Variants in USP39 observed in about 807,000 individuals in gnomAD.
USP39 encodes ubiquitin specific peptidase 39, also known as ubiquitin carboxyl-terminal hydrolase 39.
Under a neutral mutation model 66.4 loss-of-function variants are expected in USP39, and 38 were observed. The ratio of observed to expected loss-of-function variants is 0.57; its 90% CI spans 0.44 to 0.75. The LOEUF is 0.75. USP39 is among the 30% of genes least tolerant of loss of function. USP39 has a pLI of 0.00. For synonymous variants in USP39, 303 were observed against 274.6 expected (o/e 1.10, Z -1.02); for missense variants, 608 against 714.4 (o/e 0.85, Z 1.70).
At chr2:85,628,198 T>C (rs1367413304) in intron 5 of USP39, among the ~76,000 whole-genome samples, 2 of 152,152 alleles carry the variant, frequency 1.3e-5, no homozygotes, top group Non-Finnish European at 2.9e-5. Flanking sequence ...CAGGCTGGAA[T>C]GCAGTGTCAC....
intron 6 of USP39, among the ~76,000 whole-genome samples, chr2:85,635,417 G>C (rs1023980304): frequency 3.9e-5 from 6 of 152,080 alleles, no homozygotes; most frequent in Admixed American, 3.3e-4. Flanking sequence ...AAAATTAGCT[G>C]GGCATGGTAG....
upstream of USP39, chr2:85,611,266 A>G (rs1673502014): frequency 7.1e-7 from 1 of 1,403,192 alleles, no homozygotes; most frequent in Admixed American, 3.3e-5. Flanking sequence ...ACCGTCATAT[A>G]TTAACCAGTG....
At chr2:85,638,991 C>G (rs2104333697) in intron 8 of USP39, among the ~76,000 whole-genome samples, 1 of 152,162 alleles carries the variant, frequency 6.6e-6, no homozygotes, top group Non-Finnish European at 1.5e-5. Flanking sequence ...TTTAGATAGT[C>G]TGGTATATAA....
chr2:85,620,286 C>T (rs928643862), intron 2 of USP39, among the ~76,000 whole-genome samples: 1 of 151,890 alleles, frequency 6.6e-6, no homozygotes, highest in Non-Finnish European at 1.5e-5. Flanking sequence ...TTTGAGCATC[C>T]TGGGCAGCAT....
chr2:85,616,477 G>A lies in USP39; in HGVS notation c.268+14G>A. 8.1e-6 allele frequency: 12 copies of A among 1,488,800 alleles called. No homozygotes were observed. Among genetic ancestry groups the A allele is most frequent in the Non-Finnish European group, 1.1e-5 (12 of 1,112,936 alleles). 92.2% of individuals were successfully genotyped at this position (1,488,800 alleles called of 1,614,324 possible). A position where few individuals can be genotyped will look rare whatever the true frequency, so the allele number is the denominator to read the frequency against. ...GGGAGGTGCGAGGTGCGCGGGGCCG[G>A]GCCGGGCTAGGCGCGAGAGCCTGTT... On this transcript the variant is annotated intron_variant, in intron 1 of 12. Transcript: ENST00000323701.
upstream of USP39, chr2:85,609,023 C>T (rs746075456): frequency 5.0e-6 from 8 of 1,614,218 alleles, no homozygotes; most frequent in Admixed American, 1.7e-5. Flanking sequence ...GATCCAGAGG[C>T]GTGTGTGCCG....
rs1219700129 is a variant in USP39 at position 85,649,074 on chromosome 2, C to T, written c.*266C>T. 9 of 469,912 alleles carry T rather than the reference C, an allele frequency of 1.9e-5. No homozygotes were observed. In the East Asian group the frequency reaches 3.0e-4, roughly 16 times the overall value. 29.1% of individuals were successfully genotyped at this position (469,912 alleles called of 1,614,324 possible). On this transcript the variant is annotated 3_prime_UTR_variant, in exon 13 of 13. Coordinates refer to ENST00000323701, the MANE Select transcript of USP39 (RefSeq NM_006590.4). The stretch of plus-strand genomic sequence containing the variant: ...CCATCTAGCTTCAGCAGGGCAGAAC[C>T]CTTCTCCAGATGTGTGTAACTTATG...
intron 1 of USP39, 77 bp from the exon 2 acceptor site, chr2:85,619,137 ATTTCTG>A: frequency 5.4e-6 from 8 of 1,488,492 alleles, no homozygotes; most frequent in Non-Finnish European, 7.4e-6. Context: ...AGTTTTTCCC[ATTTCTG>A]TTTCTTTTTT....
intron 6 of USP39, 27 bp from the exon 7 acceptor site, chr2:85,636,026 C>T (rs751446415): frequency 1.7e-5 from 28 of 1,611,308 alleles, no homozygotes; most frequent in African/African-American, 2.7e-5. Context: ...TTAGCTTCAA[C>T]GTTTTCCACC....
chr2:85,603,108 C>T (rs990339398), intron 1 of USP39: 3 of 152,238 alleles, frequency 2.0e-5, no homozygotes, highest in African/African-American at 7.2e-5. Flanking sequence ...GCTCTCTCAA[C>T]GTGGCGCCCC....
intron 11 of USP39, among the ~76,000 whole-genome samples, chr2:85,647,419 C>T (rs1297594579): frequency 6.6e-6 from 1 of 152,050 alleles, no homozygotes; most frequent in Non-Finnish European, 1.5e-5. Context: ...ACCCATAATC[C>T]TAGCACTTTA....
Position 85,636,082 on chromosome 2 carries a change from C to G in USP39, c.979C>G (p.Leu327Val), listed in dbSNP as rs771281301. ...GDGVDFLSWF[L>V]NALHSALGGT... ...TGGCGTTGACTTTCTGTCTTGGTTT[C>G]TGAATGCTCTGCACTCAGCTCTGGG... The change falls in exon 7 of 13, where the codon CTG (leucine) becomes GTG (valine). Residue 327 changes from leucine to valine, a missense_variant. By Grantham distance (32) the Leu-to-Val change is conservative (BLOSUM62 1). This residue lies in a region of USP39 where 72 missense variants were observed against 60.1 expected (regional missense o/e 1.20). Transcript: ENST00000323701. 1.2e-6 allele frequency: 2 copies of G among 1,614,076 alleles called. No individual in the cohort carries two copies. Among genetic ancestry groups the G allele is most frequent in the Non-Finnish European group, 8.5e-7 (1 of 1,179,998 alleles).
chr2:85,622,287 A>G (rs1018966566), intron 3 of USP39, among the ~76,000 whole-genome samples: 1 of 150,658 alleles, frequency 6.6e-6, no homozygotes, highest in Non-Finnish European at 1.5e-5. Context: ...ACACCCGGCT[A>G]ATTTTAGTAT....
chr2:85,616,191 T>A lies in USP39; in HGVS notation c.-5T>A, dbSNP rs1195832946. On this transcript the variant is annotated 5_prime_UTR_variant, in exon 1 of 13. Coordinates refer to ENST00000323701, the MANE Select transcript of USP39 (RefSeq NM_006590.4). Reference sequence around the variant, plus strand: ...CTGCGCTGGACGACTCGGCCGGTAGTGGAGATGTCCGGCCGGTCTAAGCGG... The same window carrying A: ...CTGCGCTGGACGACTCGGCCGGTAGAGGAGATGTCCGGCCGGTCTAAGCGG... The A allele has an allele frequency of 7.0e-7, 1 of 1,437,600 alleles. No individual in the cohort carries two copies. The highest frequency in any genetic ancestry group is 1.5e-5 in the South Asian group (1 of 65,358). The allele number at this position is 1,437,600 out of a possible 1,614,324, so 89.1% of individuals were successfully genotyped here.
rs1166623033 is a variant in USP39, at chr2:85,623,669, T to C, written c.457T>C (p.Tyr153His). The C allele has an allele frequency of 6.2e-7, 1 of 1,613,728 alleles. No individual in the cohort carries two copies. Among genetic ancestry groups the C allele is most frequent in the Non-Finnish European group, 8.5e-7 (1 of 1,179,862 alleles). The change falls in exon 4 of 13, where the codon TAC becomes CAC. Residue 153 changes from tyrosine (Y) to histidine (H), a missense_variant. Coordinates refer to ENST00000323701, the MANE Select transcript of USP39 (RefSeq NM_006590.4). ...AGGCCGGGGTTTGAAGTCTCACGCC[T>C]ACATTCACAGTGTCCAGTTTAGCCA... Reference protein sequence around the residue: ...FQGRGLKSHAYIHSVQFSHHV... With the variant: ...FQGRGLKSHAHIHSVQFSHHV...
upstream of USP39, chr2:85,611,864 G>T: frequency 6.3e-7 from 1 of 1,598,160 alleles, no homozygotes. Flanking sequence ...CGGCGGCGCA[G>T]GGCGGGGCGG....
Position 85,616,417 on chromosome 2 carries a change from G to A in USP39, c.222G>A (p.Arg74=). The stretch of plus-strand genomic sequence containing the variant: ...TTGTCCCGTTTGTGCGGGTGAAGCG[G>A]GAGCGCGAGGTCGATGAGGACTCGG... ...ASVVPFVRVK[R]EREVDEDSEP... Residue 74 remains arginine (R), a synonymous_variant, in exon 1 of 13, where the codon CGG becomes CGA. Transcript: ENST00000323701. 6.3e-7 allele frequency: 1 copy of A among 1,594,662 alleles called. No individual in the cohort carries two copies. Among genetic ancestry groups the A allele is most frequent in the Non-Finnish European group, 8.6e-7 (1 of 1,169,002 alleles).
At chr2:85,608,807 TGCAA>T, upstream of USP39, 5 of 1,178,574 alleles carry the variant, frequency 4.2e-6, no homozygotes, top group Admixed American at 2.2e-5. Flanking sequence ...GGTGTAGTCC[TGCAA>T]CACCCTATGG....
Position 85,616,476 on chromosome 2 carries a change from G to A in USP39, c.268+13G>A. The A allele has an allele frequency of 6.7e-7, 1 of 1,495,450 alleles. No homozygotes were observed. Among genetic ancestry groups the A allele is most frequent in the Non-Finnish European group, 9.0e-7 (1 of 1,116,242 alleles). 92.6% of individuals were successfully genotyped at this position (1,495,450 alleles called of 1,614,324 possible). On this transcript the variant is annotated intron_variant, in intron 1 of 12. Coordinates refer to ENST00000323701, the MANE Select transcript of USP39 (RefSeq NM_006590.4). Reference sequence around the variant, plus strand: ...CGGGAGGTGCGAGGTGCGCGGGGCCGGGCCGGGCTAGGCGCGAGAGCCTGT... The same window carrying A: ...CGGGAGGTGCGAGGTGCGCGGGGCCAGGCCGGGCTAGGCGCGAGAGCCTGT...
Sources: allele counts gnomAD v4.1 joint callset (sites outside exome capture counted in the v4.1 genomes callset), GRCh38; gene constraint gnomAD v4.1.1; regional missense constraint gnomAD v4.1.1; transcripts MANE v1.5; gene names NCBI Gene and HGNC (gene_info 2026-07-23, HGNC 2026-07-21).